Variants in PRKAA2 observed in about 807,000 individuals in gnomAD.
The protein encoded by PRKAA2 is 5'-AMP-activated protein kinase catalytic subunit alpha-2.
PRKAA2 carries 40 observed loss-of-function variants against 56.3 expected under a neutral mutation model. The observed-to-expected ratio is 0.71, with a 90% confidence interval of 0.55 to 0.92. The LOEUF (loss-of-function observed/expected upper bound fraction) is 0.92, where lower values mean the gene tolerates loss of function less well. Ranked by LOEUF, PRKAA2 falls within the 40% of genes least tolerant of loss-of-function variation. The pLI is 0.00. For synonymous variants in PRKAA2, 214 were observed against 234.2 expected (o/e 0.91, Z 0.79); for missense variants, 542 against 686.9 (o/e 0.79, Z 2.36).
At chr1:56,655,229 A>G (rs1175134684) in intron 1 of PRKAA2, among the ~76,000 whole-genome samples, 1 of 145,116 alleles carries the variant, frequency 6.9e-6, no homozygotes, top group Non-Finnish European at 1.5e-5. Flanking sequence ...TTTTAAAAAA[A>G]TCATTTTACT....
At chr1:56,651,979 C>A (rs1214058941) in intron 1 of PRKAA2, among the ~76,000 whole-genome samples, 1 of 149,704 alleles carries the variant, frequency 6.7e-6, no homozygotes, top group East Asian at 2.0e-4. Flanking sequence ...GTAGCTGAGA[C>A]TACAGGCGCC....
At chr1:56,656,088 G>A (rs920732855) in intron 1 of PRKAA2, among the ~76,000 whole-genome samples, 2 of 151,986 alleles carry the variant, frequency 1.3e-5, no homozygotes, top group Non-Finnish European at 2.9e-5. Context: ...GGAAATTCTA[G>A]GACTGAAAAA....
At chr1:56,672,460 G>T (rs993604996) in intron 1 of PRKAA2, among the ~76,000 whole-genome samples, 4 of 152,056 alleles carry the variant, frequency 2.6e-5, no homozygotes, top group African/African-American at 9.7e-5. Context: ...TTATTTCTGG[G>T]ATATTAATCT....
At chr1:56,650,621 T>C (rs1264478098) in intron 1 of PRKAA2, among the ~76,000 whole-genome samples, 1 of 152,228 alleles carries the variant, frequency 6.6e-6, no homozygotes, top group African/African-American at 2.4e-5. Context: ...AGTAGTAGTA[T>C]ATATGTGGTT....
At chr1:56,660,014 A>G (rs559542317) in intron 1 of PRKAA2, among the ~76,000 whole-genome samples, 1 of 152,354 alleles carries the variant, frequency 6.6e-6, no homozygotes, top group South Asian at 2.1e-4. Flanking sequence ...TTACTGATCT[A>G]TGTAAAATAG....
intron 1 of PRKAA2, among the ~76,000 whole-genome samples, chr1:56,671,719 G>A (rs1443804685): frequency 2.0e-5 from 3 of 152,154 alleles, no homozygotes; most frequent in Non-Finnish European, 4.4e-5. Context: ...TTACTCTGTG[G>A]CAGTTATGCT....
chr1:56,645,348 C>CGGAGCGGCAGGCGGT lies in PRKAA2; in HGVS notation c.-33_-19dup, dbSNP rs1646630571. Reference sequence around the variant, plus strand: ...GTAGGCGGCGGCGGCGGCGGCTACGCGGAGCGGCAGGCGGTGGAGCGAGGC... The same window carrying CGGAGCGGCAGGCGGT: ...GTAGGCGGCGGCGGCGGCGGCTACGCGGAGCGGCAGGCGGTGGAGCGGCAGGCGGTGGAGCGAGGC... On this transcript the variant is annotated 5_prime_UTR_variant, in exon 1 of 9. Coordinates refer to ENST00000371244, the MANE Select transcript of PRKAA2 (RefSeq NM_006252.4). 3.5e-6 allele frequency: 5 copies of CGGAGCGGCAGGCGGT among 1,419,794 alleles called. No individual in the cohort carries two copies. The highest frequency in any genetic ancestry group is 2.4e-5 in the Admixed American group (1 of 41,142). 87.9% of individuals were successfully genotyped at this position (1,419,794 alleles called of 1,614,324 possible).
At chr1:56,684,706 G>A (rs1030624312) in intron 2 of PRKAA2, among the ~76,000 whole-genome samples, 7 of 152,114 alleles carry the variant, frequency 4.6e-5, no homozygotes, top group African/African-American at 1.7e-4. Flanking sequence ...GGTTGCTGTT[G>A]TCTTTGAAAA....
rs1644098839 is a variant in PRKAA2, at chr1:56,674,388, A to G, written c.102A>G (p.Glu34=). 1.3e-6 allele frequency: 2 copies of G among 1,550,356 alleles called. No individual in the cohort carries two copies. Among genetic ancestry groups the G allele is most frequent in the Non-Finnish European group, 1.7e-6 (2 of 1,154,150 alleles). ...VGTFGKVKIG[E]HQLTGHKVAV... Reference sequence around the variant, plus strand: ...CCTTTTTCTTTTCTTTAGTTGGAGAACATCAATTAACAGGCCATAAAGTGG... The same window carrying G: ...CCTTTTTCTTTTCTTTAGTTGGAGAGCATCAATTAACAGGCCATAAAGTGG... The change falls in exon 2 of 9, where the codon GAA becomes GAG. Residue 34 remains glutamate (E), a synonymous_variant. Transcript: ENST00000371244.
In PRKAA2 at chr1:56,679,435, T is replaced by C. The variant is rs1369643924; in HGVS notation, c.236+4913T>C. 2.0e-5 allele frequency among the ~76,000 whole-genome samples: 3 copies of C among 152,316 alleles called. No homozygotes were observed. In the East Asian group the frequency reaches 5.8e-4, roughly 29 times the overall value. ...TCTTCCAAATTTACTTCTCTGTTTT[T>C]GGAGGGTGTGGTGGGAGAGTGGAGG... On this transcript the variant is annotated intron_variant, in intron 2 of 8. Transcript: ENST00000371244.
At chr1:56,659,049 C>T (rs569878840) in intron 1 of PRKAA2, among the ~76,000 whole-genome samples, 1 of 150,852 alleles carries the variant, frequency 6.6e-6, no homozygotes, top group South Asian at 2.1e-4. Context: ...GCGATCCTCT[C>T]GCCTGGGCCT....
At chr1:56,673,186 A>G (rs1644089965) in intron 1 of PRKAA2, among the ~76,000 whole-genome samples, 1 of 152,048 alleles carries the variant, frequency 6.6e-6, no homozygotes, top group Non-Finnish European at 1.5e-5. Context: ...AGCCTGAGCA[A>G]CATGGTGAGA....
intron 1 of PRKAA2, among the ~76,000 whole-genome samples, chr1:56,665,225 C>T (rs1425424761): frequency 1.3e-5 from 2 of 151,952 alleles, no homozygotes; most frequent in African/African-American, 2.4e-5. Flanking sequence ...AGGTGCCCAC[C>T]GCCACACCCA....
chr1:56,707,795 C>T lies in PRKAA2; in HGVS notation c.*82C>T. 1 of 1,220,428 alleles carries T rather than the reference C, an allele frequency of 8.2e-7. No individual in the cohort carries two copies. 75.6% of individuals were successfully genotyped at this position (1,220,428 alleles called of 1,614,324 possible). ...TTTTTATCTTACTTTTGGATAATAT[C>T]CACTGCAATACTAATTGAGAAACAT... is the stretch of plus-strand genomic sequence containing the variant. On this transcript the variant is annotated 3_prime_UTR_variant, in exon 9 of 9. Transcript: ENST00000371244.
At chr1:56,645,828 T>C (rs1331077428) in intron 1 of PRKAA2, among the ~76,000 whole-genome samples, 1 of 152,134 alleles carries the variant, frequency 6.6e-6, no homozygotes. Context: ...ACTGGACTCG[T>C]TCTGCGAGGC....
rs1231401246 is a variant in PRKAA2, at chr1:56,715,115, G to C, written c.*7402G>C. 6.6e-6 allele frequency: 1 copy of C among 152,096 alleles called. No individual in the cohort carries two copies. Among genetic ancestry groups the C allele is most frequent in the Admixed American group, 6.6e-5 (1 of 15,254 alleles). The allele number at this position is 152,096 out of a possible 1,614,324, so 9.4% of individuals were successfully genotyped here. On this transcript the variant is annotated 3_prime_UTR_variant, in exon 9 of 9. Coordinates refer to ENST00000371244, the MANE Select transcript of PRKAA2 (RefSeq NM_006252.4). ...TTTGTTTGTTATATACTTTTTGTGA[G>C]TGTTAAATGATATGGGAAGGATTTG...
chr1:56,665,530 G>C (rs1644029193), intron 1 of PRKAA2, among the ~76,000 whole-genome samples: 1 of 152,114 alleles, frequency 6.6e-6, no homozygotes, highest in African/African-American at 2.4e-5. Flanking sequence ...CATTTCTGTT[G>C]GTTATAATAC....
At chr1:56,683,537 T>A (rs1345659229) in intron 2 of PRKAA2, among the ~76,000 whole-genome samples, 1 of 152,144 alleles carries the variant, frequency 6.6e-6, no homozygotes, top group Non-Finnish European at 1.5e-5. Context: ...TGACACCATT[T>A]AGGCACTAGG....
At chr1:56,685,317 A>T (rs1644183348) in intron 2 of PRKAA2, among the ~76,000 whole-genome samples, 1 of 48,132 alleles carries the variant, frequency 2.1e-5, no homozygotes, top group Non-Finnish European at 3.9e-5. Context: ...TTAATTCAGA[A>T]TGAGAAGGAG....
Sources: gnomAD v4.1 joint callset for allele counts (sites outside exome capture counted in the v4.1 genomes callset) on GRCh38, gnomAD v4.1.1 for gene constraint, MANE v1.5 for transcripts, NCBI Gene and HGNC (gene_info 2026-07-23, HGNC 2026-07-21) for gene names.